Variants in TNIP1 observed in about 807,000 individuals in gnomAD.
TNIP1 encodes the protein TNFAIP3 interacting protein 1, also known as TNFAIP3-interacting protein 1.
Under a neutral mutation model 86.6 loss-of-function variants are expected in TNIP1, and 22 were observed. The observed-to-expected ratio is 0.25, with a 90% CI of 0.18 to 0.36. The LOEUF (loss-of-function observed/expected upper bound fraction) is 0.36, where lower values mean the gene tolerates loss of function less well. TNIP1 is among the 10% of genes least tolerant of loss of function. TNIP1 has a pLI of 1.00. For synonymous variants in TNIP1, 294 were observed against 313.0 expected, an observed-to-expected ratio of 0.94 and a Z score of 0.64; for missense variants, 709 against 820.6, an observed-to-expected ratio of 0.86 and a Z score of 1.66.
intron 9 of TNIP1, 94 bp from the exon 10 acceptor site, chr5:151,043,055 C>T (rs1758658319): frequency 7.6e-7 from 1 of 1,322,204 alleles, no homozygotes; most frequent in Non-Finnish European, 1.1e-6. Flanking sequence ...CCAAGGTGTG[C>T]TCGGTGTGTG....
intron 7 of TNIP1, among the ~76,000 whole-genome samples, chr5:151,050,579 G>C (rs78560528): frequency 6.6e-6 from 1 of 152,194 alleles, no homozygotes; most frequent in Non-Finnish European, 1.5e-5. Context: ...TAATAAGGCA[G>C]GTGATAGAGG....
rs546893580 is a variant in TNIP1 at position 151,060,896 on chromosome 5, C to G, written c.358-501G>C. ...TCTCTTAGGCCCAGACGTCTCTGAT[C>G]GGTTTCCCAGAACACAGATGGCAGC... On this transcript the variant is annotated intron_variant, in intron 4 of 17. Transcript: ENST00000521591. 2.0e-5 allele frequency among the ~76,000 whole-genome samples: 3 copies of G among 152,358 alleles called. No homozygotes were observed. In the South Asian group the frequency reaches 6.2e-4, roughly 32 times the overall value.
chr5:151,038,377 T>C (rs1757974595), intron 12 of TNIP1, among the ~76,000 whole-genome samples: 1 of 152,190 alleles, frequency 6.6e-6, no homozygotes, highest in Non-Finnish European at 1.5e-5. Flanking sequence ...TCCTGTCAGC[T>C]TGCATCTTTG....
At chr5:151,045,379 C>T (rs1038372035) in intron 9 of TNIP1, among the ~76,000 whole-genome samples, 2 of 147,068 alleles carry the variant, frequency 1.4e-5, no homozygotes, top group African/African-American at 5.5e-5. Context: ...CATGAGCCAC[C>T]GCACCCAGCC....
intron 1 of TNIP1, among the ~76,000 whole-genome samples, chr5:151,066,622 C>T (rs1762263991): frequency 6.6e-6 from 1 of 152,224 alleles, no homozygotes; most frequent in South Asian, 2.1e-4. Flanking sequence ...CCTTGTCAGG[C>T]ACTGCATTAA....
chr5:151,038,092 G>A (rs1757944105), intron 12 of TNIP1, among the ~76,000 whole-genome samples: 1 of 152,182 alleles, frequency 6.6e-6, no homozygotes, highest in African/African-American at 2.4e-5. Context: ...CCTGGATTTA[G>A]AGCCCCAAGT....
chr5:151,033,612 T>C lies in TNIP1; in HGVS notation c.1775A>G (p.His592Arg). Reference sequence around the variant, plus strand: ...AAGGGAGGGACACAGACTCACCAGATGGAAGAGGCGCGAGTTGGGGAGTGG... The same window carrying C: ...AAGGGAGGGACACAGACTCACCAGACGGAAGAGGCGCGAGTTGGGGAGTGG... ...PPPLPNSRLF[H>R]LPEYTWRLPC... Residue 592 changes from histidine (H) to arginine (R), a missense_variant, in exon 16 of 18, where the codon CAT (histidine) becomes CGT (arginine). By Grantham distance (29) the His-to-Arg change is conservative (BLOSUM62 0). Transcript: ENST00000521591. 1 of 1,274,052 alleles carries C rather than the reference T, an allele frequency of 7.8e-7. No homozygotes were observed. The highest frequency in any genetic ancestry group is 1.0e-6 in the Non-Finnish European group (1 of 997,638). 78.9% of individuals were successfully genotyped at this position (1,274,052 alleles called of 1,614,324 possible). A position where few individuals can be genotyped will look rare whatever the true frequency, so the allele number is the denominator to read the frequency against.
At chr5:151,049,236 G>A (rs1170721641) in intron 8 of TNIP1, among the ~76,000 whole-genome samples, 1 of 152,152 alleles carries the variant, frequency 6.6e-6, no homozygotes, top group African/African-American at 2.4e-5. Context: ...GGTAACGACT[G>A]GGCAAGGGGT....
intron 15 of TNIP1, 199 bp downstream of exon 15, chr5:151,034,803 A>G: frequency 1.6e-6 from 1 of 610,642 alleles, no homozygotes; most frequent in Non-Finnish European, 2.9e-6. Context: ...TGGACACAGA[A>G]TGTCAACAGT....
At chr5:151,059,604 G>A (rs1401827129) in intron 5 of TNIP1, among the ~76,000 whole-genome samples, 1 of 152,178 alleles carries the variant, frequency 6.6e-6, no homozygotes, top group Non-Finnish European at 1.5e-5. Flanking sequence ...AGGGAGAATG[G>A]AGAAGGTAGA....
chr5:151,030,223 A>G lies in TNIP1; in HGVS notation c.*490T>C, dbSNP rs1374606175. 4 of 445,160 alleles carry G rather than the reference A, an allele frequency of 9.0e-6. No homozygotes were observed. The highest frequency in any genetic ancestry group is 1.8e-5 in the Non-Finnish European group (4 of 218,096). The allele number at this position is 445,160 out of a possible 1,614,324, so 27.6% of individuals were successfully genotyped here. A position where few individuals can be genotyped will look rare whatever the true frequency, so the allele number is the denominator to read the frequency against. ...ATCATTCTCTTCTGTTCTGGAGACA[A>G]ACCCACACTTCCCACAGCTCCTCAC... On this transcript the variant is annotated 3_prime_UTR_variant, in exon 18 of 18. Transcript: ENST00000521591.
chr5:151,045,909 C>T lies in TNIP1; in HGVS notation c.888G>A (p.Leu296=), dbSNP rs1166325840. Residue 296 remains leucine (L), a synonymous_variant, in exon 9 of 18, where the codon TTG becomes TTA. Transcript: ENST00000521591. ...TCTTCACCTTCTTCTCGGCTGCGCC[C>T]AAGGCCACCACCTCTGGGACCTTAC... is the stretch of plus-strand genomic sequence containing the variant. ...TAGKVPEVVA[L]GAAEKKVKML... is the part of the protein sequence containing the mutation. 2 of 1,614,048 alleles carry T rather than the reference C, an allele frequency of 1.2e-6. No homozygotes were observed. The highest frequency in any genetic ancestry group is 2.2e-5 in the East Asian group (1 of 44,902).
chr5:151,043,369 A>C (rs1158737694), intron 9 of TNIP1, among the ~76,000 whole-genome samples: 1 of 152,228 alleles, frequency 6.6e-6, no homozygotes, highest in East Asian at 1.9e-4. Context: ...ACACAAGGCT[A>C]ATCATCTCAG....
At chr5:151,075,753 G>T (rs765136436) in intron 1 of TNIP1, among the ~76,000 whole-genome samples, 1 of 152,236 alleles carries the variant, frequency 6.6e-6, no homozygotes, top group Non-Finnish European at 1.5e-5. Context: ...GCTGACTATA[G>T]CGAAGGCAAA....
At chr5:151,030,970 C>CT (rs1261476392) in intron 17 of TNIP1, among the ~76,000 whole-genome samples, 1 of 152,146 alleles carries the variant, frequency 6.6e-6, no homozygotes, top group Non-Finnish European at 1.5e-5. Flanking sequence ...AACTGGGACA[C>CT]TAAGAGGTTT....
At chr5:151,063,975 C>T (rs1045999248) in intron 2 of TNIP1, among the ~76,000 whole-genome samples, 1 of 152,122 alleles carries the variant, frequency 6.6e-6, no homozygotes, top group African/African-American at 2.4e-5. Flanking sequence ...GACACAGGAG[C>T]GGAAGGAATC....
upstream of TNIP1, among the ~76,000 whole-genome samples, chr5:151,081,294 GC>G (rs1462399066): frequency 6.6e-6 from 1 of 152,088 alleles, no homozygotes; most frequent in African/African-American, 2.4e-5. Flanking sequence ...AGCGCCGGAA[GC>G]CCCTGTCGAA....
chr5:151,052,630 A>C (rs560555408), intron 6 of TNIP1, among the ~76,000 whole-genome samples: 35 of 152,280 alleles, frequency 2.3e-4, no homozygotes, highest in Middle Eastern at 6.8e-3. Context: ...ATCTCCTCAG[A>C]GAAGTCCTCC....
chr5:151,033,915 G>C, intron 15 of TNIP1, 116 bp from the exon 16 acceptor site: 1 of 927,364 alleles, frequency 1.1e-6, no homozygotes, highest in Non-Finnish European at 1.5e-6. Context: ...GGGTACCAAA[G>C]GCTGGTATGT....
Sources: allele counts gnomAD v4.1 joint callset (sites outside exome capture counted in the v4.1 genomes callset), GRCh38; gene constraint gnomAD v4.1.1; transcripts MANE v1.5; gene names NCBI Gene and HGNC (gene_info 2026-07-23, HGNC 2026-07-21).